ZNF773: variants seen among roughly 807,000 people sequenced by gnomAD.
ZNF773 encodes the protein zinc finger protein 773.
A neutral mutation model predicts 12.8 loss-of-function variants in ZNF773; 11 were observed. The ratio of observed to expected loss-of-function variants is 0.86; its 90% CI spans 0.54 to 1.42. ZNF773 has a LOEUF of 1.42. Ranked by LOEUF, ZNF773 falls within the 40% of genes most tolerant of loss-of-function variation. The pLI, the probability that ZNF773 is intolerant of heterozygous loss-of-function variation, is 0.00. For missense variants in ZNF773, 518 were observed against 527.2 expected (o/e 0.98, Z 0.17); for synonymous variants, 175 against 178.4 (o/e 0.98, Z 0.15).
chr19:57,505,854 C>A (rs1279866556), intron 3 of ZNF773, among the ~76,000 whole-genome samples: 1 of 151,866 alleles, frequency 6.6e-6, no homozygotes, highest in Non-Finnish European at 1.5e-5. Flanking sequence ...GGACTACAGG[C>A]GCCCGCCACC....
At chr19:57,510,848 A>G (rs1464691423), downstream of ZNF773, among the ~76,000 whole-genome samples, 1 of 152,114 alleles carries the variant, frequency 6.6e-6, no homozygotes, top group African/African-American at 2.4e-5. Flanking sequence ...AGGCATAAAT[A>G]AATGACACAA....
In ZNF773 at chr19:57,507,343, G is replaced by A; in HGVS notation, c.1248G>A (p.Glu416=). The A allele has an allele frequency of 6.2e-7, 1 of 1,613,716 alleles. No homozygotes were observed. The highest frequency in any genetic ancestry group is 8.5e-7 in the Non-Finnish European group (1 of 1,179,924). The change falls in exon 4 of 4, where the codon GAG becomes GAA. Residue 416 remains glutamate (E), a synonymous_variant. Coordinates refer to ENST00000282292, the MANE Select transcript of ZNF773 (RefSeq NM_198542.3). The part of the protein sequence containing the change: ...QRVHTGAKPY[E]CRECGKFFRH... The stretch of plus-strand genomic sequence containing the variant: ...TTCACACTGGAGCAAAGCCTTATGA[G>A]TGCAGGGAATGTGGGAAATTTTTTC...
In ZNF773 at chr19:57,507,397, A is replaced by G; in HGVS notation, c.1302A>G (p.Arg434=). 6.2e-7 allele frequency: 1 copy of G among 1,607,744 alleles called. No individual in the cohort carries two copies. The highest frequency in any genetic ancestry group is 1.1e-5 in the South Asian group (1 of 89,836). ...ACAGCTCCAGTCTTGTTAAACATCG[A>G]AGGATTCACACTGGAGAAATACAAT... The part of the protein sequence containing the change: ...FRHSSSLVKH[R]RIHTGEIQ Residue 434 remains arginine, a synonymous_variant, in exon 4 of 4, where the codon CGA becomes CGG. Transcript: ENST00000282292.
downstream of ZNF773, chr19:57,512,889 G>A: frequency 1.0e-6 from 1 of 974,154 alleles, no homozygotes. Context: ...TCCTCTCTGT[G>A]GATTCTACCT....
At chr19:57,505,063 C>G in intron 2 of ZNF773, 2 of 706,558 alleles carry the variant, frequency 2.8e-6, no homozygotes, top group Non-Finnish European at 5.1e-6. Context: ...CCTGGTGACA[C>G]TGTGCAGATC....
chr19:57,509,561 C>G (rs2089779572), downstream of ZNF773, among the ~76,000 whole-genome samples: 1 of 152,226 alleles, frequency 6.6e-6, no homozygotes, highest in Admixed American at 6.5e-5. Flanking sequence ...GAGATGCTCA[C>G]AGAATAATGT....
chr19:57,500,185 G>C, intron 1 of ZNF773, 72 bp downstream of exon 1: 5 of 1,515,534 alleles, frequency 3.3e-6, no homozygotes, highest in Non-Finnish European at 4.4e-6. Context: ...AGGTCCCCGG[G>C]TGCAGAACTG....
intron 2 of ZNF773, chr19:57,505,038 G>A: frequency 1.4e-6 from 1 of 714,580 alleles, no homozygotes; most frequent in East Asian, 2.7e-5. Flanking sequence ...CTTATCCCTG[G>A]TGGCCTCTCT....
chr19:57,507,881 A>T lies in ZNF773; in HGVS notation c.*457A>T. ...CCAGCTACTCAGGAGGCTGAGGCAG[A>T]AGAATGGCATGAACCTAGGAGGCAG... On this transcript the variant is annotated 3_prime_UTR_variant, in exon 4 of 4. Transcript: ENST00000282292. The T allele has an allele frequency of 4.4e-6, 1 of 226,358 alleles. No individual in the cohort carries two copies. Among genetic ancestry groups the T allele is most frequent in the Non-Finnish European group, 7.6e-6 (1 of 131,744 alleles). 14.0% of individuals were successfully genotyped at this position (226,358 alleles called of 1,614,324 possible).
chr19:57,500,970 G>T (rs577079428), intron 1 of ZNF773, among the ~76,000 whole-genome samples: 1 of 152,326 alleles, frequency 6.6e-6, no homozygotes, highest in East Asian at 1.9e-4. Context: ...TTTGTCTGGT[G>T]CCTGCAGGAA....
chr19:57,513,113 GAGAAACCCC>G, downstream of ZNF773: 3 of 1,463,070 alleles, frequency 2.1e-6, no homozygotes, highest in Non-Finnish European at 2.7e-6. Flanking sequence ...CCAGAAGAAT[GAGAAACCCC>G]AGGACAAGTC....
In ZNF773 at chr19:57,507,010, C is replaced by A; in HGVS notation, c.915C>A (p.Cys305Ter). The A allele has an allele frequency of 6.2e-7, 1 of 1,614,174 alleles. No individual in the cohort carries two copies. The highest frequency in any genetic ancestry group is 8.5e-7 in the Non-Finnish European group (1 of 1,180,034). Residue 305 changes from cysteine to a stop codon, truncating the protein, a stop_gained, in exon 4 of 4, where the codon TGC becomes TGA. Coordinates refer to ENST00000282292, the MANE Select transcript of ZNF773 (RefSeq NM_198542.3). LOFTEE classifies it low-confidence loss of function (END_TRUNC). ...RIHTGVRPYE[C>*]SECGKLFSFN... ...ACACTGGAGTAAGGCCTTATGAGTG[C>A]AGTGAATGTGGAAAATTGTTTAGTT...
At chr19:57,505,524 T>C in intron 3 of ZNF773, 124 bp downstream of exon 3, 1 of 1,124,544 alleles carries the variant, frequency 8.9e-7, no homozygotes, top group East Asian at 2.4e-5. Context: ...GATTTCTATC[T>C]TTTCTTCCTC....
chr19:57,507,484 T>G lies in ZNF773; in HGVS notation c.*60T>G. The G allele has an allele frequency of 6.5e-7, 1 of 1,528,682 alleles. No homozygotes were observed. Among genetic ancestry groups the G allele is most frequent in the Non-Finnish European group, 8.7e-7 (1 of 1,144,224 alleles). The allele number at this position is 1,528,682 out of a possible 1,614,324, so 94.7% of individuals were successfully genotyped here. A position where few individuals can be genotyped will look rare whatever the true frequency, so the allele number is the denominator to read the frequency against. On this transcript the variant is annotated 3_prime_UTR_variant, in exon 4 of 4. Transcript: ENST00000282292. ...ATTCAACACCAGAAAGTTCACAGTG[T>G]AAAAAAGTCTTGAAGGTTACTAATG...
Position 57,507,250 on chromosome 19 carries a change from A to G in ZNF773, c.1155A>G (p.Lys385=), listed in dbSNP as rs2074064. Residue 385 remains lysine, a synonymous_variant, in exon 4 of 4, where the codon AAA becomes AAG. Coordinates refer to ENST00000282292, the MANE Select transcript of ZNF773 (RefSeq NM_198542.3). ...MQHRKVHTGE[K]PFKCNECGRF... is the part of the protein sequence containing the mutation. ...ATCGAAAAGTTCACACTGGAGAAAAACCTTTTAAGTGCAATGAATGTGGGA... is the reference window on the plus strand; with the variant it reads ...ATCGAAAAGTTCACACTGGAGAAAAGCCTTTTAAGTGCAATGAATGTGGGA... 313,224 of 1,613,828 alleles carry G rather than the reference A, an allele frequency of 0.19. 31,114 individuals are homozygous for G. The highest frequency in any genetic ancestry group is 0.25 in the African/African-American group (19,092 of 74,930).
chr19:57,516,745 AC>A (rs1423430235), downstream of ZNF773: 1 of 152,128 alleles, frequency 6.6e-6, no homozygotes, highest in African/African-American at 2.4e-5. Context: ...GATAATTCTC[AC>A]CCCTGTCCTT....
At position 57,506,414 on chromosome 19, in the gene ZNF773, G is replaced by A. The variant is rs112107510; in HGVS notation, c.319G>A (p.Val107Met). Residue 107 changes from valine to methionine, a missense_variant, in exon 4 of 4, where the codon GTG becomes ATG. Physicochemically the swap from Val to Met is conservative, Grantham distance 21 (BLOSUM62 1). Coordinates refer to ENST00000282292, the MANE Select transcript of ZNF773 (RefSeq NM_198542.3). ...TGCTGAGCAGAGTGCTTCTGTAGAA[G>A]TGCCCAGTTCAAACGTTCAGCAACA... is the stretch of plus-strand genomic sequence containing the variant. ...AAAEQSASVEVPSSNVQQHQK... is the reference protein window; with the variant it reads ...AAAEQSASVEMPSSNVQQHQK... 1,522 of 1,614,122 alleles carry A rather than the reference G, an allele frequency of 9.4e-4. No individual in the cohort carries two copies. Among genetic ancestry groups the A allele is most frequent in the Admixed American group, 3.0e-3 (182 of 60,002 alleles).
At chr19:57,505,621 C>A (rs989482039) in intron 3 of ZNF773, among the ~76,000 whole-genome samples, 1 of 152,116 alleles carries the variant, frequency 6.6e-6, no homozygotes, top group African/African-American at 2.4e-5. Context: ...TCCTCAGCAG[C>A]ACCTTTCAGC....
chr19:57,508,264 G>A, downstream of ZNF773: 2 of 1,206,718 alleles, frequency 1.7e-6, no homozygotes, highest in South Asian at 7.4e-5. Flanking sequence ...ATTCCTGATA[G>A]ATTGTTCCTC....
Sources: allele counts gnomAD v4.1 joint callset (sites outside exome capture counted in the v4.1 genomes callset), GRCh38; gene constraint gnomAD v4.1.1; transcripts MANE v1.5; gene names NCBI Gene and HGNC (gene_info 2026-07-23, HGNC 2026-07-21).